The following CLPTM1 variants were observed in gnomAD, a reference collection of about 807,000 sequenced individuals.
CLPTM1 encodes CLPTM1 regulator of GABA type A receptor forward trafficking, also known as putative lipid scramblase CLPTM1.
In CLPTM1, 21 loss-of-function variants were observed where a neutral mutation model predicts 77.3. The observed-to-expected ratio is 0.27, with a 90% CI of 0.19 to 0.39. CLPTM1 has a LOEUF of 0.39. Among genes scored for constraint, CLPTM1 ranks in the 10% least tolerant of loss-of-function variants. The probability of loss-of-function intolerance (pLI) is 1.00; values close to 1 mark genes in which losing one functional copy is unlikely to be tolerated. For synonymous variants in CLPTM1, 373 were observed against 381.0 expected (o/e 0.98, Z 0.24); for missense variants, 642 against 921.2 (o/e 0.70, Z 3.92).
At chr19:44,973,501 AGCCTT>A (rs781055847) in intron 3 of CLPTM1, among the ~76,000 whole-genome samples, 12 of 152,302 alleles carry the variant, frequency 7.9e-5, no homozygotes, top group Non-Finnish European at 1.5e-4. Context: ...AAGTATGTTC[AGCCTT>A]TCAGGGTTGC....
chr19:44,970,196 G>A (rs1236735401), intron 2 of CLPTM1, among the ~76,000 whole-genome samples: 1 of 147,228 alleles, frequency 6.8e-6, no homozygotes, highest in Non-Finnish European at 1.5e-5. Flanking sequence ...ACCAGGTTCA[G>A]GGCTTGAGCT....
At chr19:44,963,918 C>T (rs1271887158) in intron 2 of CLPTM1, among the ~76,000 whole-genome samples, 3 of 151,398 alleles carry the variant, frequency 2.0e-5, no homozygotes, top group Non-Finnish European at 4.4e-5. Context: ...GCACCCAGTG[C>T]CTAGCTAATT....
chr19:44,993,105 C>T lies in CLPTM1; in HGVS notation c.*208C>T. ...AGGCGCTGTCTGTCCCTCTGTCCCTCTGTGTTTCCAGCCATCTCGCCCTGC... is the reference window on the plus strand; with the variant it reads ...AGGCGCTGTCTGTCCCTCTGTCCCTTTGTGTTTCCAGCCATCTCGCCCTGC... On this transcript the variant is annotated 3_prime_UTR_variant, in exon 14 of 14. Coordinates refer to ENST00000337392, the MANE Select transcript of CLPTM1 (RefSeq NM_001294.4). The T allele has an allele frequency of 1.7e-6, 1 of 586,370 alleles. No homozygotes were observed. Among genetic ancestry groups the T allele is most frequent in the South Asian group, 1.5e-5 (1 of 67,816 alleles). The allele number at this position is 586,370 out of a possible 1,614,324, so 36.3% of individuals were successfully genotyped here. A position where few individuals can be genotyped will look rare whatever the true frequency, so the allele number is the denominator to read the frequency against.
chr19:44,973,771 T>TTTTTG (rs1324179800), intron 3 of CLPTM1, among the ~76,000 whole-genome samples: 11 of 30,898 alleles, frequency 3.6e-4, no homozygotes, highest in Non-Finnish European at 1.7e-3. Flanking sequence ...GTTTTTTTTT[T>TTTTTG]TTTTTTTTTT....
At chr19:44,989,756 G>T (rs1971039793) in intron 9 of CLPTM1, among the ~76,000 whole-genome samples, 1 of 152,192 alleles carries the variant, frequency 6.6e-6, no homozygotes, top group South Asian at 2.1e-4. Context: ...GCCGGGCGGG[G>T]TCAAGAGAGG....
intron 4 of CLPTM1, among the ~76,000 whole-genome samples, chr19:44,976,979 T>C (rs928504149): frequency 6.6e-5 from 10 of 152,178 alleles, no homozygotes; most frequent in Non-Finnish European, 1.5e-4. Context: ...GGTCAGCTGC[T>C]TCTTCCTGTT....
At chr19:44,984,029 G>A (rs971943736) in intron 5 of CLPTM1, among the ~76,000 whole-genome samples, 2 of 152,254 alleles carry the variant, frequency 1.3e-5, no homozygotes, top group Non-Finnish European at 2.9e-5. Context: ...GCACGCACAA[G>A]CCCCTTCCTC....
intron 5 of CLPTM1, among the ~76,000 whole-genome samples, chr19:44,978,850 A>G (rs934770138): frequency 6.6e-6 from 1 of 152,088 alleles, no homozygotes; most frequent in Non-Finnish European, 1.5e-5. Flanking sequence ...CAGTAGTCCC[A>G]GCTACTTGGG....
In CLPTM1 at chr19:44,965,766, G is replaced by A. The variant is rs565971884; in HGVS notation, c.185+3691G>A. ...GAGGCGGAGCTTACAGTGAGCCCAG[G>A]TGGTGCCACTGCACTCCAGCCTAGG... On this transcript the variant is annotated intron_variant, in intron 2 of 13. Transcript: ENST00000337392. 1.1e-4 allele frequency among the ~76,000 whole-genome samples: 17 copies of A among 152,180 alleles called. 1 individual carries two copies. The South Asian group carries it at 3.5e-3, about 32-fold the overall frequency.
rs574031145 is a variant in CLPTM1 at position 44,967,076 on chromosome 19, C to T, written c.185+5001C>T. On this transcript the variant is annotated intron_variant, in intron 2 of 13. Coordinates refer to ENST00000337392, the MANE Select transcript of CLPTM1 (RefSeq NM_001294.4). Reference sequence around the variant, plus strand: ...CAGGATAGTCTCGATCTCCTGACCTCGCTATCCACGCACCTCGGGCTCCCA... The same window carrying T: ...CAGGATAGTCTCGATCTCCTGACCTTGCTATCCACGCACCTCGGGCTCCCA... Among the ~76,000 whole-genome samples, 13 of 152,256 alleles carry T rather than the reference C, an allele frequency of 8.5e-5. No individual in the cohort carries two copies. In the East Asian group the frequency reaches 2.1e-3, roughly 25 times the overall value.
At chr19:44,972,538 C>T (rs879501167) in intron 2 of CLPTM1, among the ~76,000 whole-genome samples, 2 of 152,220 alleles carry the variant, frequency 1.3e-5, no homozygotes, top group African/African-American at 2.4e-5. Flanking sequence ...CATGAGCCGC[C>T]GCGCCCGTCC....
At chr19:44,966,632 A>G (rs922909958) in intron 2 of CLPTM1, among the ~76,000 whole-genome samples, 1 of 144,806 alleles carries the variant, frequency 6.9e-6, no homozygotes, top group African/African-American at 2.6e-5. Flanking sequence ...TCAGGTTATC[A>G]CCCTTCTTGA....
chr19:44,977,386 C>T lies in CLPTM1; in HGVS notation c.512C>T (p.Thr171Ile). The change falls in exon 5 of 14, where the codon ACC becomes ATC. Residue 171 changes from threonine to isoleucine, a missense_variant. By Grantham distance (89) the Thr-to-Ile change is moderately conservative (BLOSUM62 -1). Around this residue, in one of 2 missense-constraint regions of CLPTM1, gnomAD observed 521 missense variants for 800.4 expected, o/e 0.65. Coordinates refer to ENST00000337392, the MANE Select transcript of CLPTM1 (RefSeq NM_001294.4). ...TCCATCTACATCCACGTTTACTTCA[C>T]CAAGAGTGGCTTCCACCCAGACCCC... ...NGSIYIHVYF[T>I]KSGFHPDPRQ... 1.2e-6 allele frequency: 2 copies of T among 1,610,540 alleles called. No homozygotes were observed. Among genetic ancestry groups the T allele is most frequent in the Non-Finnish European group, 1.7e-6 (2 of 1,179,984 alleles).
intron 6 of CLPTM1, among the ~76,000 whole-genome samples, chr19:44,985,876 C>T (rs1488746707): frequency 1.3e-5 from 2 of 152,206 alleles, no homozygotes; most frequent in Non-Finnish European, 2.9e-5. Context: ...AGCCTGCTGT[C>T]ATGAGGCTGG....
At chr19:44,987,040 T>A (rs1461564286) in intron 7 of CLPTM1, 139 bp from the exon 8 acceptor site, 1 of 1,169,220 alleles carries the variant, frequency 8.6e-7, no homozygotes, top group Non-Finnish European at 1.2e-6. Flanking sequence ...CTTTAGCTCC[T>A]CATGGTGTGG....
At chr19:44,961,709 G>T (rs1970545933) in intron 1 of CLPTM1, among the ~76,000 whole-genome samples, 1 of 152,148 alleles carries the variant, frequency 6.6e-6, no homozygotes, top group Non-Finnish European at 1.5e-5. Context: ...CCCCCACCGG[G>T]CTGTTAAACC....
chr19:44,989,491 G>C (rs1186167557), intron 9 of CLPTM1, among the ~76,000 whole-genome samples: 1 of 145,958 alleles, frequency 6.9e-6, no homozygotes, highest in Non-Finnish European at 1.5e-5. Context: ...ATTCTTCTCA[G>C]TTGGGACAGG....
intron 3 of CLPTM1, among the ~76,000 whole-genome samples, chr19:44,973,641 A>ATT: frequency 6.6e-6 from 1 of 152,198 alleles, no homozygotes; most frequent in South Asian, 2.1e-4. Context: ...GGGCACAGGC[A>ATT]GGGCAGGGCT....
At chr19:44,955,054 G>C (rs898390879), upstream of CLPTM1, 8 of 1,535,624 alleles carry the variant, frequency 5.2e-6, no homozygotes, top group African/African-American at 9.6e-5. Context: ...GAAGCGGACA[G>C]GATGTCCCGA....
Sources: allele counts gnomAD v4.1 joint callset (sites outside exome capture counted in the v4.1 genomes callset), GRCh38; gene constraint gnomAD v4.1.1; regional missense constraint gnomAD v4.1.1; transcripts MANE v1.5; gene names NCBI Gene and HGNC (gene_info 2026-07-23, HGNC 2026-07-21).